INSL6: variants seen among roughly 807,000 people sequenced by gnomAD.
INSL6 encodes the protein insulin like 6, also known as insulin-like peptide INSL6.
INSL6 carries 16 observed loss-of-function variants against 9.4 expected under a neutral mutation model. The ratio of observed to expected loss-of-function variants is 1.70; its 90% confidence interval spans 1.15 to 2.59. The LOEUF (loss-of-function observed/expected upper bound fraction) is 2.59, where lower values mean the gene tolerates loss of function less well. Ranked by LOEUF, INSL6 falls within the 30% of genes most tolerant of loss-of-function variation. The pLI is 0.00. For missense variants in INSL6, 391 were observed against 257.3 expected, an observed-to-expected ratio of 1.52 and a Z score of -3.56; for synonymous variants, 154 against 96.9, an observed-to-expected ratio of 1.59 and a Z score of -3.46.
the INSL6 span, among the ~76,000 whole-genome samples, chr9:5,095,729 G>C: frequency 6.6e-6 from 1 of 152,082 alleles, no homozygotes; most frequent in East Asian, 1.9e-4. Context: ...GGTTGAGGAG[G>C]ACTTAATCAA....
the INSL6 span, among the ~76,000 whole-genome samples, chr9:5,104,070 A>G: frequency 6.6e-6 from 1 of 152,246 alleles, no homozygotes; most frequent in African/African-American, 2.4e-5. Flanking sequence ...CTAAGATCAG[A>G]GCAGAACTGA....
At chr9:5,044,593 A>C in the INSL6 span, 1 of 954,064 alleles carries the variant, frequency 1.0e-6, no homozygotes, top group Non-Finnish European at 1.6e-6. Context: ...TCACTTAATC[A>C]GGAAAAACTT....
the INSL6 span, among the ~76,000 whole-genome samples, chr9:5,101,361 G>A: frequency 6.6e-6 from 1 of 152,244 alleles, no homozygotes. Context: ...GCTTGAGTAG[G>A]TAAACAAAGT....
At chr9:4,996,148 T>G in the INSL6 span, among the ~76,000 whole-genome samples, 235 of 152,326 alleles carry the variant, frequency 1.5e-3, no homozygotes, top group African/African-American at 5.5e-3. Flanking sequence ...TACAGGGAAG[T>G]CTGGATTTTA....
At chr9:5,103,103 T>C in the INSL6 span, among the ~76,000 whole-genome samples, 2 of 149,866 alleles carry the variant, frequency 1.3e-5, no homozygotes, top group African/African-American at 4.9e-5. Flanking sequence ...AACTGGCAAA[T>C]TGGATAAAGA....
chr9:5,130,328 A>G (rs1236977077), intron 3 of INSL6, among the ~76,000 whole-genome samples: 1 of 152,250 alleles, frequency 6.6e-6, no homozygotes, highest in Non-Finnish European at 1.5e-5. Flanking sequence ...GAGGTAAAGT[A>G]AATCATCTTT....
downstream of INSL6, among the ~76,000 whole-genome samples, chr9:5,120,120 C>G (rs1823501599): frequency 6.6e-6 from 1 of 152,212 alleles, no homozygotes; most frequent in Admixed American, 6.5e-5. Context: ...CTGGTGAGAG[C>G]TGCTCTCTTC....
the INSL6 span, among the ~76,000 whole-genome samples, chr9:5,093,123 A>C: frequency 3.9e-5 from 6 of 152,330 alleles, no homozygotes; most frequent in East Asian, 7.7e-4. Flanking sequence ...TCTCCACCGC[A>C]TAAGCTTACA....
chr9:5,090,550 T>C, the INSL6 span: 1 of 1,587,398 alleles, frequency 6.3e-7, no homozygotes, highest in Non-Finnish European at 8.6e-7. Context: ...ACTTCTGCAG[T>C]ACACATCTCA....
At chr9:5,134,413 A>T (rs912593476) in intron 2 of INSL6, among the ~76,000 whole-genome samples, 4 of 152,170 alleles carry the variant, frequency 2.6e-5, no homozygotes, top group African/African-American at 9.7e-5. Flanking sequence ...GGTTGAAATG[A>T]AGGAATAAAC....
At chr9:5,136,484 G>A (rs139208833) in intron 2 of INSL6, among the ~76,000 whole-genome samples, 40 of 152,218 alleles carry the variant, frequency 2.6e-4, no homozygotes, top group African/African-American at 9.1e-4. Context: ...ATCAATAAAC[G>A]TAATCCATCA....
intron 3 of INSL6, among the ~76,000 whole-genome samples, chr9:5,128,474 A>G (rs983506127): frequency 6.6e-6 from 1 of 151,868 alleles, no homozygotes; most frequent in African/African-American, 2.4e-5. Flanking sequence ...TCAAGTGAAA[A>G]ATAGCCTATC....
the INSL6 span, among the ~76,000 whole-genome samples, chr9:5,104,553 C>A: frequency 2.0e-5 from 3 of 152,210 alleles, no homozygotes; most frequent in South Asian, 6.2e-4. Context: ...CTCCCTAACT[C>A]ATTTTATGAG....
At chr9:5,111,988 G>A in the INSL6 span, 1 of 371,322 alleles carries the variant, frequency 2.7e-6, no homozygotes. Flanking sequence ...TCCCCCCAGG[G>A]CCTGGGAGGG....
chr9:5,016,498 C>A, the INSL6 span, among the ~76,000 whole-genome samples: 1 of 152,020 alleles, frequency 6.6e-6, no homozygotes. Flanking sequence ...GAAAAATAGT[C>A]AACAAAATTA....
the INSL6 span, among the ~76,000 whole-genome samples, chr9:5,031,934 C>T: frequency 6.6e-6 from 1 of 152,226 alleles, no homozygotes. Flanking sequence ...GTGCAGCACA[C>T]TGAGCATGAG....
chr9:5,141,811 G>C (rs1048125290), intron 2 of INSL6, among the ~76,000 whole-genome samples: 1 of 152,142 alleles, frequency 6.6e-6, no homozygotes, highest in African/African-American at 2.4e-5. Flanking sequence ...TGTCCTGAAC[G>C]GTATTGCCTA....
the INSL6 span, among the ~76,000 whole-genome samples, chr9:5,074,206 A>G: frequency 6.6e-6 from 1 of 152,124 alleles, no homozygotes; most frequent in East Asian, 1.9e-4. Flanking sequence ...ATGATACTAG[A>G]TATATTTTTT....
chr9:5,053,137 C>T, the INSL6 span, among the ~76,000 whole-genome samples: 4 of 152,074 alleles, frequency 2.6e-5, no homozygotes, highest in South Asian at 4.1e-4. Context: ...CAACTCTTTC[C>T]GCACTTGTTT....
Sources: allele counts gnomAD v4.1 joint callset (sites outside exome capture counted in the v4.1 genomes callset), GRCh38; gene constraint gnomAD v4.1.1; transcripts MANE v1.5; gene names NCBI Gene and HGNC (gene_info 2026-07-23, HGNC 2026-07-21).